UCN3: variants seen among roughly 807,000 people sequenced by gnomAD.
UCN3 encodes urocortin 3.
UCN3 carries 3 observed loss-of-function variants against 3.6 expected under a neutral mutation model. The observed-to-expected ratio is 0.83, with a 90% CI of 0.38 to 2.15. UCN3 has a LOEUF of 2.15. UCN3 is among the 30% of genes most tolerant of loss of function. UCN3 has a pLI of 0.06. For synonymous variants in UCN3, 100 were observed against 93.2 expected (o/e 1.07, Z -0.42); for missense variants, 206 against 208.3 (o/e 0.99, Z 0.07).
chr10:5,371,066 T>A (rs1027590392), intron 1 of UCN3, among the ~76,000 whole-genome samples: 3 of 149,980 alleles, frequency 2.0e-5, no homozygotes, highest in Non-Finnish European at 4.4e-5. Flanking sequence ...TGTATGTACG[T>A]GTGAGGTGTG....
rs782110045 is a variant in UCN3 at position 5,374,095 on chromosome 10, C to T, written c.375C>T (p.Asp125=). ...GCACCAAGTTCACCCTGTCCCTCGACGTCCCCACCAACATCATGAACCTCC... is the reference window on the plus strand; with the variant it reads ...GCACCAAGTTCACCCTGTCCCTCGATGTCCCCACCAACATCATGAACCTCC... ...PHRTKFTLSL[D]VPTNIMNLLF... is the part of the protein sequence containing the mutation. Residue 125 remains aspartate (D), a synonymous_variant, in exon 2 of 2, where the codon GAC becomes GAT. Transcript: ENST00000380433. 51 of 1,613,646 alleles carry T rather than the reference C, an allele frequency of 3.2e-5. No homozygotes were observed. Among genetic ancestry groups the T allele is most frequent in the African/African-American group, 5.3e-5 (4 of 74,850 alleles).
Position 5,374,481 on chromosome 10 carries a change from C to G in UCN3, c.*275C>G. The G allele has an allele frequency of 2.7e-6, 1 of 369,448 alleles. No homozygotes were observed. Among genetic ancestry groups the G allele is most frequent in the East Asian group, 5.6e-5 (1 of 17,914 alleles). 22.9% of individuals were successfully genotyped at this position (369,448 alleles called of 1,614,324 possible). Reference sequence around the variant, plus strand: ...ACGTTCCTCCCTGTACTCAGCGTCTCCTTCCTCCCTCCCCACAGCAAGAGG... The same window carrying G: ...ACGTTCCTCCCTGTACTCAGCGTCTGCTTCCTCCCTCCCCACAGCAAGAGG... On this transcript the variant is annotated 3_prime_UTR_variant, in exon 2 of 2. Coordinates refer to ENST00000380433, the MANE Select transcript of UCN3 (RefSeq NM_053049.4).
At position 5,366,850 on chromosome 10, in the gene UCN3, G is replaced by T. The variant is rs1459317182; in HGVS notation, c.-7+1620G>T. On this transcript the variant is annotated intron_variant, in intron 1 of 1. Coordinates refer to ENST00000380433, the MANE Select transcript of UCN3 (RefSeq NM_053049.4). The surrounding 1 kb of genome is among the most constrained non-coding windows in gnomAD (Gnocchi z 4.2). ...GTGTGCAGGCTAGAGCTGAGGGTTTGCAGAGAGAGAAAGGTCTGCTACCTG... is the reference window on the plus strand; with the variant it reads ...GTGTGCAGGCTAGAGCTGAGGGTTTTCAGAGAGAGAAAGGTCTGCTACCTG... 6.6e-6 allele frequency among the ~76,000 whole-genome samples: 1 copy of T among 152,158 alleles called. No individual in the cohort carries two copies. The highest frequency in any genetic ancestry group is 1.5e-5 in the Non-Finnish European group (1 of 68,034).
In UCN3 at chr10:5,370,641, GTATA is replaced by G. The variant is rs782400657; in HGVS notation, c.-6-3072_-6-3069del. On this transcript the variant is annotated intron_variant, in intron 1 of 1. Transcript: ENST00000380433. ...CGTGTATATGCGTGTGTATGTGTGT[GTATA>G]TGTGTGTGTATGTGTGTGTATGTGT... Among the ~76,000 whole-genome samples, 24 of 85,658 alleles carry G rather than the reference GTATA, an allele frequency of 2.8e-4. 5 individuals are homozygous for G. The highest frequency in any genetic ancestry group is 4.7e-4 in the South Asian group (1 of 2,120). 56.2% of individuals were successfully genotyped at this position (85,658 alleles called of 152,430 possible). A position where few individuals can be genotyped will look rare whatever the true frequency, so the allele number is the denominator to read the frequency against.
At chr10:5,371,037 CTATATG>C (rs1466406707) in intron 1 of UCN3, among the ~76,000 whole-genome samples, 5 of 139,308 alleles carry the variant, frequency 3.6e-5, no homozygotes, top group Non-Finnish European at 7.7e-5. Flanking sequence ...GTGCATGTGT[CTATATG>C]TATGTGTGTG....
chr10:5,373,676 C>G (rs782586735), intron 1 of UCN3, 39 bp from the exon 2 acceptor site: 4 of 1,590,758 alleles, frequency 2.5e-6, no homozygotes, highest in Non-Finnish European at 3.4e-6. Flanking sequence ...CACCACGCCC[C>G]TCCCATGCCC....
chr10:5,373,716 G>T lies in UCN3; in HGVS notation c.-5G>T, dbSNP rs370050650. The T allele has an allele frequency of 1.2e-6, 2 of 1,612,848 alleles. No homozygotes were observed. The highest frequency in any genetic ancestry group is 2.7e-5 in the African/African-American group (2 of 74,850). On this transcript the variant is annotated splice_region_variant and 5_prime_UTR_variant, in exon 2 of 2. Transcript: ENST00000380433. ...CCACATCCCTCTTTTCTGCTGCAGG[G>T]AGAGATGCTGATGCCGGTCCACTTC...
At chr10:5,370,780 T>C (rs1383883641) in intron 1 of UCN3, among the ~76,000 whole-genome samples, 7 of 115,656 alleles carry the variant, frequency 6.1e-5, no homozygotes, top group Admixed American at 1.7e-4. Context: ...TGTATATGCG[T>C]GTGTGTGTGT....
chr10:5,370,565 GTA>G (rs781983696), intron 1 of UCN3, among the ~76,000 whole-genome samples: 2 of 109,884 alleles, frequency 1.8e-5, no homozygotes, highest in African/African-American at 3.7e-5. Context: ...ATATGTGTGT[GTA>G]TATGCGTGTA....
chr10:5,370,943 GTA>G (rs1831414284), intron 1 of UCN3, among the ~76,000 whole-genome samples: 1 of 110,650 alleles, frequency 9.0e-6, no homozygotes, highest in South Asian at 3.3e-4. Flanking sequence ...GTGTTCATGT[GTA>G]TGTGTGTAAG....
At chr10:5,370,070 T>C (rs1564442318) in intron 1 of UCN3, among the ~76,000 whole-genome samples, 1 of 130,130 alleles carries the variant, frequency 7.7e-6, no homozygotes, top group Non-Finnish European at 1.6e-5. Context: ...TGTATATGTG[T>C]GTATATGCGT....
At chr10:5,372,839 G>A (rs1320193722) in intron 1 of UCN3, among the ~76,000 whole-genome samples, 1 of 151,562 alleles carries the variant, frequency 6.6e-6, no homozygotes, top group African/African-American at 2.4e-5. Flanking sequence ...ACAGGTGTGA[G>A]CCACCGTGCC....
chr10:5,370,419 GTA>G lies in UCN3; in HGVS notation c.-6-3292_-6-3291del, dbSNP rs1366576818. Among the ~76,000 whole-genome samples, 61 of 56,420 alleles carry G rather than the reference GTA, an allele frequency of 1.1e-3. 6 individuals carry two copies. Among genetic ancestry groups the G allele is most frequent in the Admixed American group, 6.1e-4 (3 of 4,934 alleles). The allele number at this position is 56,420 out of a possible 152,430, so 37.0% of individuals were successfully genotyped here. ...TATATGTGTGTGTATATGTGTGTGTGTATATGCGTGTGTATATGCGTGTGTAT... is the reference window on the plus strand; with the variant it reads ...TATATGTGTGTGTATATGTGTGTGTGTATGCGTGTGTATATGCGTGTGTAT... On this transcript the variant is annotated intron_variant, in intron 1 of 1. Coordinates refer to ENST00000380433, the MANE Select transcript of UCN3 (RefSeq NM_053049.4).
chr10:5,373,264 A>G (rs1588403063), intron 1 of UCN3, among the ~76,000 whole-genome samples: 2 of 152,248 alleles, frequency 1.3e-5, no homozygotes, highest in East Asian at 3.8e-4. Context: ...ACAGGGATAT[A>G]TTCAGTCAGC....
Position 5,370,955 on chromosome 10 carries a change from GGTGT to G in UCN3, c.-6-2749_-6-2746del, listed in dbSNP as rs201698933. Among the ~76,000 whole-genome samples, 256 of 109,492 alleles carry G rather than the reference GGTGT, an allele frequency of 2.3e-3. 20 individuals are homozygous for G. Among genetic ancestry groups the G allele is most frequent in the African/African-American group, 9.0e-3 (208 of 23,102 alleles). The allele number at this position is 109,492 out of a possible 152,430, so 71.8% of individuals were successfully genotyped here. A position where few individuals can be genotyped will look rare whatever the true frequency, so the allele number is the denominator to read the frequency against. ...TGTGTGTTCATGTGTATGTGTGTAA[GGTGT>G]GTGTGTGTGTATGTATGTACATGTG... On this transcript the variant is annotated intron_variant, in intron 1 of 1. Coordinates refer to ENST00000380433, the MANE Select transcript of UCN3 (RefSeq NM_053049.4).
intron 1 of UCN3, among the ~76,000 whole-genome samples, chr10:5,371,114 A>G (rs1432366801): frequency 6.7e-6 from 1 of 148,438 alleles, no homozygotes; most frequent in Non-Finnish European, 1.5e-5. Context: ...GTATGCATGT[A>G]CATGTGAGGT....
At chr10:5,372,634 C>T (rs190911583) in intron 1 of UCN3, among the ~76,000 whole-genome samples, 2 of 152,118 alleles carry the variant, frequency 1.3e-5, no homozygotes, top group East Asian at 1.9e-4. Context: ...ACTGTAGCCT[C>T]GACCTCTGGA....
rs782539719 is a variant in UCN3 at position 5,374,122 on chromosome 10, C to G, written c.402C>G (p.Leu134=). Residue 134 remains leucine, a synonymous_variant, in exon 2 of 2, where the codon CTC becomes CTG. Transcript: ENST00000380433. ...TCCCCACCAACATCATGAACCTCCT[C>G]TTCAACATCGCCAAGGCCAAGAACC... ...LDVPTNIMNL[L]FNIAKAKNLR... 1 of 1,613,654 alleles carries G rather than the reference C, an allele frequency of 6.2e-7. No homozygotes were observed. Among genetic ancestry groups the G allele is most frequent in the Non-Finnish European group, 8.5e-7 (1 of 1,179,974 alleles).
intron 1 of UCN3, among the ~76,000 whole-genome samples, chr10:5,371,843 G>A (rs1473657145): frequency 6.6e-6 from 1 of 152,248 alleles, no homozygotes; most frequent in Non-Finnish European, 1.5e-5. Context: ...CTCCCAAGTT[G>A]ATAGTGAACC....
Sources: allele counts gnomAD v4.1 joint callset (sites outside exome capture counted in the v4.1 genomes callset), GRCh38; gene constraint gnomAD v4.1.1; non-coding constraint Gnocchi (gnomAD v3.1); transcripts MANE v1.5; gene names NCBI Gene and HGNC (gene_info 2026-07-23, HGNC 2026-07-21).